ASTN2: variants seen among roughly 807,000 people sequenced by gnomAD.
ASTN2 encodes the protein astrotactin-2.
In ASTN2, 54 loss-of-function variants were observed where a neutral mutation model predicts 139.8. The observed-to-expected ratio is 0.39, with a 90% CI of 0.31 to 0.48. The LOEUF is 0.48. Among genes scored for constraint, ASTN2 ranks in the 20% least tolerant of loss-of-function variants. The pLI, the probability that ASTN2 is intolerant of heterozygous loss-of-function variation, is 0.95. For synonymous variants in ASTN2, 756 were observed against 719.5 expected (o/e 1.05, Z -0.81); for missense variants, 1,565 against 1,725.1 (o/e 0.91, Z 1.64).
At chr9:116,917,538 A>G (rs1406649738) in intron 10 of ASTN2, among the ~76,000 whole-genome samples, 1 of 152,252 alleles carries the variant, frequency 6.6e-6, no homozygotes, top group Non-Finnish European at 1.5e-5. Flanking sequence ...CTTGTGTCTT[A>G]AAGAGGAATA....
intron 19 of ASTN2, among the ~76,000 whole-genome samples, chr9:116,541,174 CAT>C (rs1442899575): frequency 1.3e-5 from 2 of 152,112 alleles, no homozygotes. Flanking sequence ...TCTTTTCTAT[CAT>C]AAAATTAATT....
chr9:116,862,106 T>C (rs1832898662), intron 11 of ASTN2, among the ~76,000 whole-genome samples: 1 of 152,046 alleles, frequency 6.6e-6, no homozygotes, highest in African/African-American at 2.4e-5. Context: ...GTCTCAGATA[T>C]AGTTTCATTG....
rs953332990 is a variant in ASTN2 at position 116,435,355 on chromosome 9, A to C, written c.3782+5254T>G. ...GTTCTGCATACTTGCTAATCCTTGA[A>C]AGGCAGAGCAAATGTATCCAAACTG... On this transcript the variant is annotated intron_variant, in intron 22 of 22. Coordinates refer to ENST00000313400, the MANE Select transcript of ASTN2 (RefSeq NM_001365068.1). Among the ~76,000 whole-genome samples, 5 of 152,204 alleles carry C rather than the reference A, an allele frequency of 3.3e-5. No homozygotes were observed. In the South Asian group the frequency reaches 1.0e-3, roughly 32 times the overall value.
intron 10 of ASTN2, among the ~76,000 whole-genome samples, chr9:116,912,531 C>G (rs1834342584): frequency 6.6e-6 from 1 of 152,296 alleles, no homozygotes; most frequent in South Asian, 2.1e-4. Flanking sequence ...AATTCATAGC[C>G]TTGCTGTTAA....
At position 116,634,808 on chromosome 9, in the gene ASTN2, C is replaced by A. The variant is rs188670680; in HGVS notation, c.3073-14365G>T. Among the ~76,000 whole-genome samples, 454 of 152,194 alleles carry A rather than the reference C, an allele frequency of 3.0e-3. 2 individuals are homozygous for A. Among genetic ancestry groups the A allele is most frequent in the Non-Finnish European group, 5.1e-3 (345 of 68,016 alleles). ...TGGGGAAGTAGGACTTTCCTTGTTT[C>A]TGTGAACTGATTGCCCTTTTAATTT... On this transcript the variant is annotated intron_variant, in intron 17 of 22. Transcript: ENST00000313400.
In ASTN2 at chr9:116,892,246, A is replaced by T. The variant is rs191922070; in HGVS notation, c.1890-28513T>A. On this transcript the variant is annotated intron_variant, in intron 10 of 22. Transcript: ENST00000313400. ...GTTTCAGTAAAACTACTTTATTGCA[A>T]TTCTTCACATATAATTCTTGATTCA... 9.3e-4 allele frequency among the ~76,000 whole-genome samples: 141 copies of T among 152,294 alleles called. 2 individuals are homozygous for T. Among genetic ancestry groups the T allele is most frequent in the African/African-American group, 3.4e-3 (140 of 41,556 alleles).
At chr9:116,432,572 C>T (rs1847530520) in intron 22 of ASTN2, among the ~76,000 whole-genome samples, 1 of 152,172 alleles carries the variant, frequency 6.6e-6, no homozygotes, top group African/African-American at 2.4e-5. Flanking sequence ...ACTAATATTT[C>T]CCACCTGCTT....
chr9:116,523,389 A>G (rs1850962584), intron 19 of ASTN2, among the ~76,000 whole-genome samples: 1 of 152,156 alleles, frequency 6.6e-6, no homozygotes, highest in East Asian at 1.9e-4. Context: ...AGGTCTGCCT[A>G]TTGCCCTAAT....
chr9:116,520,607 G>T (rs1587929566), intron 19 of ASTN2, among the ~76,000 whole-genome samples: 1 of 152,008 alleles, frequency 6.6e-6, no homozygotes, highest in African/African-American at 2.4e-5. Context: ...AAGGATGTCT[G>T]CTTTCACCAC....
intron 20 of ASTN2, among the ~76,000 whole-genome samples, chr9:116,458,672 TA>T (rs538486908): frequency 5.0e-4 from 76 of 151,694 alleles, no homozygotes; most frequent in Middle Eastern, 3.4e-3. Context: ...TTTACAGAAT[TA>T]AAAAAAACAC....
chr9:116,517,842 G>A (rs749195105), intron 19 of ASTN2, among the ~76,000 whole-genome samples: 2 of 152,120 alleles, frequency 1.3e-5, no homozygotes, highest in Non-Finnish European at 2.9e-5. Context: ...TCAAGGACAC[G>A]CTTAGAGAGA....
intron 3 of ASTN2, among the ~76,000 whole-genome samples, chr9:117,160,378 C>T (rs987216707): frequency 9.9e-5 from 15 of 150,900 alleles, no homozygotes; most frequent in Middle Eastern, 3.4e-3. Context: ...TTTTCCCATC[C>T]ATATAAATCA....
At chr9:117,076,886 TC>T (rs1828295218) in intron 5 of ASTN2, among the ~76,000 whole-genome samples, 1 of 152,178 alleles carries the variant, frequency 6.6e-6, no homozygotes, top group East Asian at 1.9e-4. Flanking sequence ...TCTTCTTTTT[TC>T]CCCTTTGATT....
chr9:117,171,686 T>C (rs997976473), intron 3 of ASTN2, among the ~76,000 whole-genome samples: 5 of 152,064 alleles, frequency 3.3e-5, no homozygotes, highest in African/African-American at 1.2e-4. Context: ...TTGCTCCTTC[T>C]TCTCTCTCCT....
chr9:116,666,939 T>C (rs991204940), intron 16 of ASTN2, among the ~76,000 whole-genome samples: 14 of 146,622 alleles, frequency 9.5e-5, no homozygotes, highest in African/African-American at 3.2e-4. Flanking sequence ...TTTATACTTA[T>C]TTATTTATTC....
intron 19 of ASTN2, among the ~76,000 whole-genome samples, chr9:116,509,496 T>C (rs1850270409): frequency 6.6e-6 from 1 of 152,222 alleles, no homozygotes; most frequent in South Asian, 2.1e-4. Context: ...TATAGCAGCA[T>C]GACTTATAAT....
intron 19 of ASTN2, chr9:116,546,262 C>A (rs1192553362): frequency 6.6e-6 from 1 of 152,072 alleles, no homozygotes; most frequent in Non-Finnish European, 1.5e-5. Flanking sequence ...CAATGAGTTC[C>A]CATTACAGAT....
At chr9:116,545,286 T>C (rs999504401) in intron 19 of ASTN2, among the ~76,000 whole-genome samples, 1 of 152,236 alleles carries the variant, frequency 6.6e-6, no homozygotes, top group Non-Finnish European at 1.5e-5. Context: ...TAATTACACA[T>C]GGTCCTAAAA....
intron 2 of ASTN2, among the ~76,000 whole-genome samples, chr9:117,266,384 C>T (rs916397555): frequency 2.6e-5 from 4 of 152,028 alleles, no homozygotes; most frequent in African/African-American, 9.7e-5. Flanking sequence ...GCTTCTACAA[C>T]TAGTTGTATT....
Sources: gnomAD v4.1 joint callset for allele counts (sites outside exome capture counted in the v4.1 genomes callset) on GRCh38, gnomAD v4.1.1 for gene constraint, MANE v1.5 for transcripts, NCBI Gene and HGNC (gene_info 2026-07-23, HGNC 2026-07-21) for gene names.